Variants in CDH13 observed in about 807,000 individuals in gnomAD.
CDH13 encodes the protein cadherin-13.
In CDH13, 24 loss-of-function variants were observed where a neutral mutation model predicts 63.8. The ratio of observed to expected loss-of-function variants is 0.38; its 90% CI spans 0.27 to 0.53. CDH13 has a LOEUF of 0.53. Ranked by LOEUF, CDH13 falls within the 20% of genes least tolerant of loss-of-function variation. CDH13 has a pLI of 0.85. For synonymous variants in CDH13, 503 were observed against 355.3 expected, an observed-to-expected ratio of 1.42 and a Z score of -4.67; for missense variants, 1,049 against 903.1, an observed-to-expected ratio of 1.16 and a Z score of -2.07.
At chr16:83,268,920 C>T (rs983548988) in intron 5 of CDH13, among the ~76,000 whole-genome samples, 1 of 80,422 alleles carries the variant, frequency 1.2e-5, no homozygotes, top group Non-Finnish European at 2.6e-5. Flanking sequence ...GTAAACTCTG[C>T]CACAAGCCAA....
intron 3 of CDH13, among the ~76,000 whole-genome samples, chr16:83,095,879 C>A (rs1254930013): frequency 6.6e-6 from 1 of 152,096 alleles, no homozygotes; most frequent in Non-Finnish European, 1.5e-5. Flanking sequence ...CTGAGAGAAG[C>A]CCATAAAACA....
chr16:82,634,953 A>C (rs924288111), intron 1 of CDH13, among the ~76,000 whole-genome samples: 2 of 152,248 alleles, frequency 1.3e-5, no homozygotes, highest in African/African-American at 2.4e-5. Context: ...CTCATAAGGC[A>C]GACTGAGTCT....
At chr16:83,424,072 A>T (rs1006312607) in intron 6 of CDH13, among the ~76,000 whole-genome samples, 3 of 152,176 alleles carry the variant, frequency 2.0e-5, no homozygotes, top group African/African-American at 7.2e-5. Context: ...GAAGAGGGAA[A>T]TCCAACAGGG....
intron 2 of CDH13, among the ~76,000 whole-genome samples, chr16:82,936,514 C>A (rs1258912828): frequency 6.6e-6 from 1 of 151,990 alleles, no homozygotes; most frequent in African/African-American, 2.4e-5. Flanking sequence ...CAAAACTGGT[C>A]CTTGGTGCTG....
At chr16:83,475,352 G>A (rs972556023) in intron 6 of CDH13, among the ~76,000 whole-genome samples, 3 of 152,210 alleles carry the variant, frequency 2.0e-5, no homozygotes, top group South Asian at 2.1e-4. Flanking sequence ...ACTCTCTGCC[G>A]CTCCTGCAGC....
intron 5 of CDH13, among the ~76,000 whole-genome samples, chr16:83,264,979 T>C (rs939061238): frequency 1.3e-5 from 2 of 152,234 alleles, no homozygotes; most frequent in Non-Finnish European, 2.9e-5. Context: ...GAATTTTCTT[T>C]GTCACCTATC....
At chr16:82,786,375 A>C (rs1275845824) in intron 1 of CDH13, among the ~76,000 whole-genome samples, 1 of 152,070 alleles carries the variant, frequency 6.6e-6, no homozygotes, top group African/African-American at 2.4e-5. Context: ...TCACTTCCAA[A>C]AGTGTCTATG....
chr16:82,661,638 A>G (rs1043561164), intron 1 of CDH13, among the ~76,000 whole-genome samples: 1 of 152,256 alleles, frequency 6.6e-6, no homozygotes, highest in Non-Finnish European at 1.5e-5. Flanking sequence ...TGCTGGATGC[A>G]TATGGAGGTT....
intron 6 of CDH13, among the ~76,000 whole-genome samples, chr16:83,450,061 C>A (rs956266797): frequency 6.6e-5 from 10 of 152,174 alleles, no homozygotes; most frequent in Non-Finnish European, 1.3e-4. Flanking sequence ...GAGTTCAATG[C>A]CGACATCCCA....
At chr16:83,057,077 C>G (rs141217871) in intron 3 of CDH13, among the ~76,000 whole-genome samples, 1 of 152,144 alleles carries the variant, frequency 6.6e-6, no homozygotes, top group East Asian at 1.9e-4. Flanking sequence ...AGTGATTCTC[C>G]TGCCTCAGCC....
At chr16:83,140,466 T>C (rs2036483547) in intron 4 of CDH13, among the ~76,000 whole-genome samples, 1 of 152,156 alleles carries the variant, frequency 6.6e-6, no homozygotes, top group African/African-American at 2.4e-5. Flanking sequence ...TTTTTTCTTT[T>C]TTTTGAGATG....
intron 2 of CDH13, among the ~76,000 whole-genome samples, chr16:82,944,749 T>A (rs779542944): frequency 6.6e-6 from 1 of 152,098 alleles, no homozygotes; most frequent in Non-Finnish European, 1.5e-5. Flanking sequence ...CCCTTGTGAA[T>A]TTATTTGTTT....
At chr16:82,837,840 C>A (rs1334841951) in intron 1 of CDH13, among the ~76,000 whole-genome samples, 1 of 152,228 alleles carries the variant, frequency 6.6e-6, no homozygotes, top group Non-Finnish European at 1.5e-5. Flanking sequence ...AAACATGAGG[C>A]ACTTGGAGCC....
intron 10 of CDH13, among the ~76,000 whole-genome samples, chr16:83,679,774 G>A (rs1169220938): frequency 1.3e-5 from 2 of 152,212 alleles, no homozygotes; most frequent in African/African-American, 4.8e-5. Flanking sequence ...GTGAGCTTAA[G>A]TGTCATCTTG....
intron 10 of CDH13, among the ~76,000 whole-genome samples, chr16:83,705,059 T>C (rs1247177098): frequency 6.6e-6 from 1 of 152,266 alleles, no homozygotes; most frequent in East Asian, 1.9e-4. Context: ...TCAAGTGCTA[T>C]ATCTTTCTAT....
At chr16:83,471,899 G>C (rs1567695624) in intron 6 of CDH13, among the ~76,000 whole-genome samples, 1 of 152,192 alleles carries the variant, frequency 6.6e-6, no homozygotes, top group Non-Finnish European at 1.5e-5. Flanking sequence ...AATGGTGATT[G>C]TCTCCCTTGT....
intron 10 of CDH13, among the ~76,000 whole-genome samples, chr16:83,694,228 G>T (rs12446894): frequency 0.56 from 85,809 of 152,002 alleles, 24,633 homozygotes; most frequent in Middle Eastern, 0.7. Flanking sequence ...TCTCATGTTA[G>T]GCTTCCCATG....
chr16:83,758,459 T>TAA (rs200232880), intron 11 of CDH13, among the ~76,000 whole-genome samples: 6 of 150,296 alleles, frequency 4.0e-5, no homozygotes, highest in African/African-American at 9.8e-5. Flanking sequence ...AGTCTAGTTT[T>TAA]AAAAAAAAAA....
At chr16:82,867,350 C>G (rs1202337479) in intron 2 of CDH13, among the ~76,000 whole-genome samples, 17 of 152,108 alleles carry the variant, frequency 1.1e-4, no homozygotes, top group Admixed American at 5.9e-4. Context: ...TTTTATCAAC[C>G]AGGGTGAGAT....
Sources: gnomAD v4.1 joint callset for allele counts (sites outside exome capture counted in the v4.1 genomes callset) on GRCh38, gnomAD v4.1.1 for gene constraint, MANE v1.5 for transcripts, NCBI Gene and HGNC (gene_info 2026-07-23, HGNC 2026-07-21) for gene names.